RUNX2: variants seen among roughly 807,000 people sequenced by gnomAD.
RUNX2 encodes the protein RUNX family transcription factor 2, also known as runt-related transcription factor 2.
A neutral mutation model predicts 51.7 loss-of-function variants in RUNX2; 10 were observed. The observed-to-expected ratio is 0.19, with a 90% CI of 0.12 to 0.33. RUNX2 has a LOEUF of 0.33. RUNX2 is among the 10% of genes least tolerant of loss of function. The pLI, the probability that RUNX2 is intolerant of heterozygous loss-of-function variation, is 1.00. For missense variants in RUNX2, 562 were observed against 691.3 expected (o/e 0.81, Z 2.10); for synonymous variants, 276 against 273.6 (o/e 1.01, Z -0.09).
chr6:45,467,049 G>T (rs1799653881), intron 5 of RUNX2, among the ~76,000 whole-genome samples: 1 of 152,160 alleles, frequency 6.6e-6, no homozygotes, highest in Admixed American at 6.5e-5. Flanking sequence ...GCCTCCTGCA[G>T]TCTGGCTTCT....
intron 3 of RUNX2, 86 bp downstream of exon 3, chr6:45,423,043 G>A (rs569926157): frequency 1.7e-4 from 257 of 1,539,326 alleles, no homozygotes; most frequent in South Asian, 1.6e-3. Context: ...GCTGGGCCCC[G>A]GACGTCCTCC....
At chr6:45,330,476 T>TCAAA (rs1391850503) in intron 2 of RUNX2, among the ~76,000 whole-genome samples, 2 of 152,028 alleles carry the variant, frequency 1.3e-5, no homozygotes, top group African/African-American at 4.8e-5. Flanking sequence ...ACGTTATCAC[T>TCAAA]CTGTTTAACT....
chr6:45,458,746 A>G (rs1440607434), intron 5 of RUNX2, among the ~76,000 whole-genome samples: 4 of 152,202 alleles, frequency 2.6e-5, no homozygotes, highest in Non-Finnish European at 4.4e-5. Flanking sequence ...CTCATATGTA[A>G]TAATCTGTGG....
At chr6:45,493,732 G>C (rs1387400129) in intron 6 of RUNX2, among the ~76,000 whole-genome samples, 1 of 142,734 alleles carries the variant, frequency 7.0e-6, no homozygotes, top group African/African-American at 2.7e-5. Flanking sequence ...TCCTTAGACT[G>C]TGTGTGTGTG....
At chr6:45,365,419 T>C (rs1794966434) in intron 2 of RUNX2, 1 of 670,718 alleles carries the variant, frequency 1.5e-6, no homozygotes, top group Non-Finnish European at 2.4e-6. Flanking sequence ...ATTTCTGATT[T>C]GTTTTGCACA....
intron 2 of RUNX2, among the ~76,000 whole-genome samples, chr6:45,350,276 A>T (rs758132026): frequency 8.5e-5 from 13 of 152,236 alleles, no homozygotes; most frequent in Non-Finnish European, 1.3e-4. Flanking sequence ...TTGTGAATGA[A>T]TAAACAAAAA....
At chr6:45,413,039 C>T (rs1368562756) in intron 2 of RUNX2, among the ~76,000 whole-genome samples, 1 of 152,038 alleles carries the variant, frequency 6.6e-6, no homozygotes, top group Non-Finnish European at 1.5e-5. Context: ...GCGTGAGCCA[C>T]TAGGCCTGGC....
At chr6:45,345,736 G>C (rs1790721295) in intron 2 of RUNX2, among the ~76,000 whole-genome samples, 1 of 152,138 alleles carries the variant, frequency 6.6e-6, no homozygotes, top group African/African-American at 2.4e-5. Context: ...TCTTCTTAAT[G>C]AGTATCAATG....
intron 3 of RUNX2, among the ~76,000 whole-genome samples, chr6:45,424,236 C>T (rs1478835095): frequency 2.6e-5 from 4 of 152,320 alleles, no homozygotes; most frequent in Middle Eastern, 3.4e-3. Flanking sequence ...CACAGTAGCC[C>T]GATGGCTCTC....
chr6:45,336,480 G>A (rs1216494759), intron 2 of RUNX2, among the ~76,000 whole-genome samples: 1 of 151,214 alleles, frequency 6.6e-6, no homozygotes, highest in Non-Finnish European at 1.5e-5. Context: ...TAAATATTCT[G>A]GTCCTATCAA....
intron 2 of RUNX2, among the ~76,000 whole-genome samples, chr6:45,383,615 A>AAAAAAG (rs1302316551): frequency 6.6e-6 from 1 of 152,224 alleles, no homozygotes; most frequent in East Asian, 1.9e-4. Flanking sequence ...CTTGTTTAAA[A>AAAAAAG]AAAAAGAAAA....
intron 2 of RUNX2, among the ~76,000 whole-genome samples, chr6:45,389,632 C>G (rs964586548): frequency 2.0e-5 from 3 of 152,130 alleles, no homozygotes; most frequent in African/African-American, 7.2e-5. Context: ...AGATCCAAGA[C>G]AGCAAGCCTT....
chr6:45,409,260 A>G (rs900264991), intron 2 of RUNX2, among the ~76,000 whole-genome samples: 2 of 152,234 alleles, frequency 1.3e-5, no homozygotes, highest in African/African-American at 4.8e-5. Flanking sequence ...TGTAAACTAT[A>G]TATCTTCTCT....
At chr6:45,354,630 TACAC>T (rs35189031) in intron 2 of RUNX2, among the ~76,000 whole-genome samples, 38,261 of 149,748 alleles carry the variant, frequency 0.26, 5,517 homozygotes, top group Non-Finnish European at 0.34. Context: ...CACGCACACA[TACAC>T]ACACACACAC....
chr6:45,381,515 C>A (rs1046215121), intron 2 of RUNX2, among the ~76,000 whole-genome samples: 1 of 151,866 alleles, frequency 6.6e-6, no homozygotes, highest in African/African-American at 2.4e-5. Context: ...GTAGCATCAA[C>A]CTTCTGGGCT....
intron 5 of RUNX2, among the ~76,000 whole-genome samples, chr6:45,478,107 C>A (rs1800007677): frequency 6.6e-6 from 1 of 152,164 alleles, no homozygotes; most frequent in Non-Finnish European, 1.5e-5. Flanking sequence ...ACGCTGTCTC[C>A]TCTGGGAGCC....
At chr6:45,413,948 C>A (rs1409787682) in intron 2 of RUNX2, among the ~76,000 whole-genome samples, 1 of 152,072 alleles carries the variant, frequency 6.6e-6, no homozygotes, top group African/African-American at 2.4e-5. Flanking sequence ...GAGTTCCAAA[C>A]AAACCCTAGT....
At chr6:45,365,242 T>G in intron 2 of RUNX2, 1 of 1,612,714 alleles carries the variant, frequency 6.2e-7, no homozygotes, top group South Asian at 1.1e-5. Flanking sequence ...TAGACTTCCC[T>G]GTACTCCTTC....
intron 5 of RUNX2, among the ~76,000 whole-genome samples, chr6:45,454,413 C>G (rs778019766): frequency 5.9e-5 from 9 of 152,132 alleles, no homozygotes; most frequent in Admixed American, 1.3e-4. Context: ...ACAAACTGAC[C>G]AGAGGAAGGA....
Sources: gnomAD v4.1 joint callset for allele counts (sites outside exome capture counted in the v4.1 genomes callset) on GRCh38, gnomAD v4.1.1 for gene constraint, MANE v1.5 for transcripts, NCBI Gene and HGNC (gene_info 2026-07-23, HGNC 2026-07-21) for gene names.